SHISA7: variants seen among roughly 807,000 people sequenced by gnomAD.
SHISA7 encodes the protein protein shisa-7.
A neutral mutation model predicts 23.9 loss-of-function variants in SHISA7; 6 were observed. That is an observed-to-expected ratio of 0.25 (90% CI 0.14 to 0.50). The LOEUF (loss-of-function observed/expected upper bound fraction) is 0.50. Ranked by LOEUF, SHISA7 falls within the 20% of genes least tolerant of loss-of-function variation. SHISA7 has a pLI of 0.98. For missense variants in SHISA7, 671 were observed against 801.1 expected, an observed-to-expected ratio of 0.84 and a Z score of 1.96; for synonymous variants, 386 against 398.3, an observed-to-expected ratio of 0.97 and a Z score of 0.37.
Position 55,432,805 on chromosome 19 carries a change from A to G in SHISA7, c.*351T>C, listed in dbSNP as rs1191395665. 1.3e-5 allele frequency: 3 copies of G among 228,258 alleles called. No homozygotes were observed. The highest frequency in any genetic ancestry group is 4.6e-5 in the African/African-American group (2 of 43,130). 14.1% of individuals were successfully genotyped at this position (228,258 alleles called of 1,614,324 possible). On this transcript the variant is annotated 3_prime_UTR_variant, in exon 4 of 4. Coordinates refer to ENST00000376325, the MANE Select transcript of SHISA7 (RefSeq NM_001145176.2). The surrounding 1 kb of genome is among the most constrained non-coding windows in gnomAD (Gnocchi z 4.6). ...TCTGAGGACACCATAGAACATGGAC[A>G]TGGCCTCCAGCGCTGACCTCACGGG...
Position 55,433,867 on chromosome 19 carries a change from G to A in SHISA7, c.977-71C>T, listed in dbSNP as rs879506958. 2 of 1,336,060 alleles carry A rather than the reference G, an allele frequency of 1.5e-6. No individual in the cohort carries two copies. Among genetic ancestry groups the A allele is most frequent in the Non-Finnish European group, 1.9e-6 (2 of 1,045,494 alleles). The allele number at this position is 1,336,060 out of a possible 1,614,324, so 82.8% of individuals were successfully genotyped here. A position where few individuals can be genotyped will look rare whatever the true frequency, so the allele number is the denominator to read the frequency against. ...TCTAGAGCCCTCCCCCTCCCACCTCGTCACATCCCGCTCCTATGCTCCTTG... is the reference window on the plus strand; with the variant it reads ...TCTAGAGCCCTCCCCCTCCCACCTCATCACATCCCGCTCCTATGCTCCTTG... On this transcript the variant is annotated intron_variant, in intron 3 of 3. Coordinates refer to ENST00000376325, the MANE Select transcript of SHISA7 (RefSeq NM_001145176.2). The surrounding 1 kb of genome is among the most constrained non-coding windows in gnomAD (Gnocchi z 8.4).
chr19:55,434,177 G>T (rs1985293479), intron 3 of SHISA7, among the ~76,000 whole-genome samples: 1 of 152,130 alleles, frequency 6.6e-6, no homozygotes, highest in Non-Finnish European at 1.5e-5. Context: ...AAATCAAATA[G>T]AACAGAAGAG....
chr19:55,434,803 CGT>C lies in SHISA7; in HGVS notation c.977-1009_977-1008del, dbSNP rs1191725727. On this transcript the variant is annotated intron_variant, in intron 3 of 3. Transcript: ENST00000376325. ...GTATGGTGTGTGTGGTGTGTGTGTG[CGT>C]GTGTGCATGGTGTGTATGTGTGTGT... is the stretch of plus-strand genomic sequence containing the variant. 4.4e-3 allele frequency among the ~76,000 whole-genome samples: 111 copies of C among 25,248 alleles called. 2 individuals carry two copies. Among genetic ancestry groups the C allele is most frequent in the Admixed American group, 2.8e-3 (5 of 1,808 alleles). The allele number at this position is 25,248 out of a possible 152,430, so 16.6% of individuals were successfully genotyped here. A position where few individuals can be genotyped will look rare whatever the true frequency, so the allele number is the denominator to read the frequency against.
At position 55,432,849 on chromosome 19, in the gene SHISA7, A is replaced by T; in HGVS notation, c.*307T>A. ...TCACGGGCCGGCCTCTTCCTCTGTG[A>T]TGACCTCATGGGAACGAGGCTTTGT... On this transcript the variant is annotated 3_prime_UTR_variant, in exon 4 of 4. Transcript: ENST00000376325. This position sits in a 1 kb window ranked among gnomAD's most constrained non-coding sequence, Gnocchi z 4.6. 1 of 340,854 alleles carries T rather than the reference A, an allele frequency of 2.9e-6. No homozygotes were observed. The highest frequency in any genetic ancestry group is 6.8e-5 in the East Asian group (1 of 14,686). 21.1% of individuals were successfully genotyped at this position (340,854 alleles called of 1,614,324 possible). A position where few individuals can be genotyped will look rare whatever the true frequency, so the allele number is the denominator to read the frequency against.
intron 2 of SHISA7, among the ~76,000 whole-genome samples, chr19:55,438,987 C>A (rs1185642394): frequency 6.6e-6 from 1 of 152,110 alleles, no homozygotes; most frequent in South Asian, 2.1e-4. Flanking sequence ...CCTGATGTGT[C>A]CTCTCCCTCC....
intron 2 of SHISA7, chr19:55,438,477 C>T (rs773167964): frequency 2.6e-5 from 31 of 1,207,892 alleles, no homozygotes; most frequent in Non-Finnish European, 3.3e-5. Flanking sequence ...CTGCTCTATA[C>T]TGGGCACCTG....
In SHISA7 at chr19:55,443,176, G is replaced by A. The variant is rs1043094256; in HGVS notation, c.-313C>T. Among the ~76,000 whole-genome samples the A allele has an allele frequency of 1.3e-5, 2 of 151,610 alleles. No homozygotes were observed. Among genetic ancestry groups the A allele is most frequent in the African/African-American group, 4.9e-5 (2 of 41,198 alleles). ...GAAATGAGCATGGGCGGACAGAACC[G>A]GGATCAGGCGAGAGATGAATGCGGG... On this transcript the variant is annotated 5_prime_UTR_variant, in exon 1 of 4. Coordinates refer to ENST00000376325, the MANE Select transcript of SHISA7 (RefSeq NM_001145176.2).
chr19:55,429,067 G>T lies in SHISA7; in HGVS notation c.*4089C>A, dbSNP rs1433834690. On this transcript the variant is annotated 3_prime_UTR_variant, in exon 4 of 4. Coordinates refer to ENST00000376325, the MANE Select transcript of SHISA7 (RefSeq NM_001145176.2). ...AGGTCCCAGCTCAAGACATGTGGAG[G>T]GGAATTGTCAGTACACACCTGCTCC... is the stretch of plus-strand genomic sequence containing the variant. 1 of 152,280 alleles carries T rather than the reference G, an allele frequency of 6.6e-6. No homozygotes were observed. Among genetic ancestry groups the T allele is most frequent in the Non-Finnish European group, 1.5e-5 (1 of 68,164 alleles). The allele number at this position is 152,280 out of a possible 1,614,324, so 9.4% of individuals were successfully genotyped here.
At chr19:55,435,079 T>TGG (rs1985397095) in intron 3 of SHISA7, among the ~76,000 whole-genome samples, 2 of 59,088 alleles carry the variant, frequency 3.4e-5, no homozygotes, top group African/African-American at 5.1e-5. Context: ...ATGGTGTGTG[T>TGG]GGTGTGTGTG....
At chr19:55,440,518 C>T in intron 2 of SHISA7, 93 bp downstream of exon 2, 2 of 1,173,684 alleles carry the variant, frequency 1.7e-6, no homozygotes, top group Non-Finnish European at 2.2e-6. Flanking sequence ...GGGTCCTGGG[C>T]GATGGGGGTG....
chr19:55,438,367 G>C (rs184164330), intron 2 of SHISA7, among the ~76,000 whole-genome samples: 69 of 152,338 alleles, frequency 4.5e-4, no homozygotes, highest in Non-Finnish European at 8.5e-4. Context: ...ATGTGGGAGA[G>C]AGATGACCAC....
chr19:55,434,853 G>A (rs926830607), intron 3 of SHISA7, among the ~76,000 whole-genome samples: 2 of 95,458 alleles, frequency 2.1e-5, no homozygotes, highest in Non-Finnish European at 2.0e-5. Context: ...GTGTGTGCGT[G>A]TGTGTATATG....
chr19:55,435,319 G>A (rs1985422736), intron 3 of SHISA7, among the ~76,000 whole-genome samples: 1 of 124,826 alleles, frequency 8.0e-6, no homozygotes, highest in African/African-American at 3.1e-5. Flanking sequence ...TGGTGTGTGT[G>A]TGGGTGTGTG....
chr19:55,437,856 C>T, intron 2 of SHISA7, 102 bp from the exon 3 acceptor site: 1 of 1,359,034 alleles, frequency 7.4e-7, no homozygotes, highest in Non-Finnish European at 9.7e-7. Context: ...AGTCCAGAAA[C>T]CCAGCCCCTC....
intron 1 of SHISA7, among the ~76,000 whole-genome samples, chr19:55,441,258 C>T (rs1347234903): frequency 6.6e-6 from 1 of 152,212 alleles, no homozygotes; most frequent in Non-Finnish European, 1.5e-5. Flanking sequence ...TGGATCATTG[C>T]AACAGCCCCC....
chr19:55,434,009 C>CCA (rs1985287165), intron 3 of SHISA7, among the ~76,000 whole-genome samples: 2 of 151,690 alleles, frequency 1.3e-5, no homozygotes, highest in Non-Finnish European at 2.9e-5. Context: ...TTCCCCCCCG[C>CCA]GCCGCCTATC....
In SHISA7 at chr19:55,433,761, G is replaced by A; in HGVS notation, c.1012C>T (p.Arg338Trp). ...GTGCCGCGGGGCAATTCCAGGGGCC[G>A]GCGCTTCAGGTAGGCCTCGTCCAGA... Reference protein sequence around the residue: ...KDLDEAYLKRRPLELPRGTLP... With the variant: ...KDLDEAYLKRWPLELPRGTLP... The change falls in exon 4 of 4, where the codon CGG (arginine) becomes TGG (tryptophan). Residue 338 changes from arginine to tryptophan, a missense_variant. Arg to Trp is a moderately radical substitution (Grantham distance 101, BLOSUM62 -3). Around this residue, in one of 5 missense-constraint regions of SHISA7, gnomAD observed 457 missense variants for 488.3 expected, o/e 0.94. Coordinates refer to ENST00000376325, the MANE Select transcript of SHISA7 (RefSeq NM_001145176.2). The surrounding 1 kb of genome is among the most constrained non-coding windows in gnomAD (Gnocchi z 8.4). 6.9e-7 allele frequency: 1 copy of A among 1,449,206 alleles called. No individual in the cohort carries two copies. The highest frequency in any genetic ancestry group is 9.0e-7 in the Non-Finnish European group (1 of 1,111,056). 89.8% of individuals were successfully genotyped at this position (1,449,206 alleles called of 1,614,324 possible).
At position 55,433,914 on chromosome 19, in the gene SHISA7, C is replaced by T; in HGVS notation, c.977-118G>A. On this transcript the variant is annotated intron_variant, in intron 3 of 3. Transcript: ENST00000376325. The surrounding 1 kb of genome is among the most constrained non-coding windows in gnomAD (Gnocchi z 8.4). ...CTTGTGCCCCCACAAGGATCCTGGG[C>T]ATCAGGCTAGCTGTGAGGCCAAAAT... 1 of 1,212,808 alleles carries T rather than the reference C, an allele frequency of 8.2e-7. No individual in the cohort carries two copies. Among genetic ancestry groups the T allele is most frequent in the Non-Finnish European group, 1.1e-6 (1 of 941,738 alleles). The allele number at this position is 1,212,808 out of a possible 1,614,324, so 75.1% of individuals were successfully genotyped here.
In SHISA7 at chr19:55,429,493, C is replaced by G. The variant is rs558377994; in HGVS notation, c.*3663G>C. On this transcript the variant is annotated 3_prime_UTR_variant, in exon 4 of 4. Transcript: ENST00000376325. Reference sequence around the variant, plus strand: ...CAGGGCCCAGGTGGATTTGGGTAACCCCCATTTCCTCAGTGTGGTGGGAAC... The same window carrying G: ...CAGGGCCCAGGTGGATTTGGGTAACGCCCATTTCCTCAGTGTGGTGGGAAC... 1 of 152,210 alleles carries G rather than the reference C, an allele frequency of 6.6e-6. No homozygotes were observed. Among genetic ancestry groups the G allele is most frequent in the Non-Finnish European group, 1.5e-5 (1 of 68,120 alleles). 9.4% of individuals were successfully genotyped at this position (152,210 alleles called of 1,614,324 possible).
Sources: gnomAD v4.1 joint callset for allele counts (sites outside exome capture counted in the v4.1 genomes callset) on GRCh38, gnomAD v4.1.1 for gene constraint, gnomAD v4.1.1 regional missense constraint, Gnocchi (gnomAD v3.1) non-coding constraint, MANE v1.5 for transcripts, NCBI Gene and HGNC (gene_info 2026-07-23, HGNC 2026-07-21) for gene names.